ABLIM1: variants seen among roughly 807,000 people sequenced by gnomAD.
ABLIM1 encodes the protein actin-binding LIM protein 1.
ABLIM1 carries 40 observed loss-of-function variants against 107.0 expected under a neutral mutation model. That is an observed-to-expected ratio of 0.37 (90% CI 0.29 to 0.49). The LOEUF (loss-of-function observed/expected upper bound fraction) is 0.49. ABLIM1 is among the 20% of genes least tolerant of loss of function. The pLI is 0.97. For synonymous variants in ABLIM1, 357 were observed against 357.3 expected, an observed-to-expected ratio of 1.00 and a Z score of 0.01; for missense variants, 857 against 1,008.5, an observed-to-expected ratio of 0.85 and a Z score of 2.04.
chr10:114,440,209 T>C, intron 19 of ABLIM1, 120 bp from the exon 20 acceptor site: 1 of 1,047,468 alleles, frequency 9.5e-7, no homozygotes, highest in Non-Finnish European at 1.4e-6. Flanking sequence ...CATGTTCTTT[T>C]TCTGCTCCCA....
At chr10:114,607,604 T>G (rs1185849388) in intron 1 of ABLIM1, among the ~76,000 whole-genome samples, 1 of 152,242 alleles carries the variant, frequency 6.6e-6, no homozygotes, top group Non-Finnish European at 1.5e-5. Flanking sequence ...TTTGATATGA[T>G]GTGATGAAAA....
At chr10:114,749,615 C>G (rs2082467365) in intron 1 of ABLIM1, among the ~76,000 whole-genome samples, 3 of 152,152 alleles carry the variant, frequency 2.0e-5, no homozygotes, top group Admixed American at 2.0e-4. Flanking sequence ...TTCCTCTGCT[C>G]AACACCCTTG....
At chr10:114,644,630 T>C (rs1301137506) in intron 1 of ABLIM1, among the ~76,000 whole-genome samples, 1 of 152,128 alleles carries the variant, frequency 6.6e-6, no homozygotes, top group Non-Finnish European at 1.5e-5. Context: ...TAGCAGACAC[T>C]GGATCAGAGA....
chr10:114,713,867 T>G (rs1294039346), intron 1 of ABLIM1, among the ~76,000 whole-genome samples: 1 of 152,072 alleles, frequency 6.6e-6, no homozygotes, highest in Non-Finnish European at 1.5e-5. Flanking sequence ...CTCAAAAAAT[T>G]TACACAACAG....
At chr10:114,670,404 G>A (rs1468366462) in intron 1 of ABLIM1, among the ~76,000 whole-genome samples, 1 of 152,136 alleles carries the variant, frequency 6.6e-6, no homozygotes, top group African/African-American at 2.4e-5. Flanking sequence ...ACATATATTA[G>A]AGAAAACTTA....
intron 6 of ABLIM1, among the ~76,000 whole-genome samples, chr10:114,525,291 G>T (rs566206413): frequency 6.6e-6 from 1 of 152,354 alleles, no homozygotes; most frequent in Non-Finnish European, 1.5e-5. Context: ...CAAGAACTGA[G>T]TAGTTCACTT....
chr10:114,785,669 A>G, the ABLIM1 span, among the ~76,000 whole-genome samples: 5 of 152,194 alleles, frequency 3.3e-5, no homozygotes, highest in Non-Finnish European at 7.3e-5. Context: ...TTATATTATT[A>G]TAATAGTTTT....
intron 1 of ABLIM1, among the ~76,000 whole-genome samples, chr10:114,604,675 G>GAGA (rs1179340558): frequency 2.6e-5 from 4 of 152,180 alleles, no homozygotes; most frequent in Non-Finnish European, 5.9e-5. Context: ...GCCAGCTATG[G>GAGA]AGAAGAGCTA....
intron 1 of ABLIM1, among the ~76,000 whole-genome samples, chr10:114,670,089 A>G (rs1348520351): frequency 1.3e-5 from 2 of 152,222 alleles, no homozygotes; most frequent in African/African-American, 4.8e-5. Context: ...AAGGGACTGC[A>G]GAACTCATGA....
chr10:114,781,661 C>CGT, the ABLIM1 span, among the ~76,000 whole-genome samples: 7 of 39,250 alleles, frequency 1.8e-4, no homozygotes, highest in South Asian at 1.2e-3. Flanking sequence ...TATATATATG[C>CGT]GTGTATATAT....
intron 1 of ABLIM1, among the ~76,000 whole-genome samples, chr10:114,716,410 A>AACAC (rs56097544): frequency 0.079 from 11,296 of 143,500 alleles, 703 homozygotes; most frequent in African/African-American, 0.18. Context: ...GGTAGAGAGA[A>AACAC]ACACACACAC....
At chr10:114,459,926 C>G (rs2063520090) in intron 12 of ABLIM1, among the ~76,000 whole-genome samples, 1 of 152,040 alleles carries the variant, frequency 6.6e-6, no homozygotes, top group Non-Finnish European at 1.5e-5. Context: ...AATAAAGCAC[C>G]ATTTAGGAAC....
At chr10:114,756,389 T>A (rs1435472407) in intron 1 of ABLIM1, among the ~76,000 whole-genome samples, 1 of 152,206 alleles carries the variant, frequency 6.6e-6, no homozygotes, top group Non-Finnish European at 1.5e-5. Context: ...TTGGATTTCA[T>A]ATATTTCATT....
rs564981852 is a variant in ABLIM1, at chr10:114,507,594, A to G, written c.895-15716T>C. Among the ~76,000 whole-genome samples the G allele has an allele frequency of 2.6e-5, 4 of 152,310 alleles. No individual in the cohort carries two copies. In the East Asian group the frequency reaches 5.8e-4, roughly 22 times the overall value. On this transcript the variant is annotated intron_variant, in intron 6 of 22. Transcript: ENST00000533213. ...AGGCCTCAGAGACCTGAGCCAGGAT[A>G]AGCAGGGAGTGCTGTGCAAACGGGC...
chr10:114,563,963 A>G (rs1374943974), intron 4 of ABLIM1, among the ~76,000 whole-genome samples: 1 of 144,434 alleles, frequency 6.9e-6, no homozygotes, highest in Non-Finnish European at 1.5e-5. Context: ...TAAACATGAG[A>G]TTTTCATTTA....
At chr10:114,741,890 C>A (rs902539280) in intron 1 of ABLIM1, among the ~76,000 whole-genome samples, 5 of 152,136 alleles carry the variant, frequency 3.3e-5, no homozygotes, top group African/African-American at 1.2e-4. Context: ...GTTGGCAATG[C>A]CTTTGAATTA....
At chr10:114,694,272 C>A (rs993049979) in intron 1 of ABLIM1, among the ~76,000 whole-genome samples, 1 of 152,116 alleles carries the variant, frequency 6.6e-6, no homozygotes, top group Non-Finnish European at 1.5e-5. Context: ...GGCCCGGGTG[C>A]CACTCTGAGA....
chr10:114,783,582 G>A, the ABLIM1 span, among the ~76,000 whole-genome samples: 28 of 152,154 alleles, frequency 1.8e-4, 1 homozygote, highest in South Asian at 5.6e-3. Context: ...ACATGTAACG[G>A]TGGGATAGGG....
At chr10:114,624,948 G>A (rs949229595) in intron 1 of ABLIM1, among the ~76,000 whole-genome samples, 4 of 152,052 alleles carry the variant, frequency 2.6e-5, no homozygotes, top group Non-Finnish European at 4.4e-5. Context: ...AGAATATGAT[G>A]ACAAAAACTG....
Sources: allele counts gnomAD v4.1 joint callset (sites outside exome capture counted in the v4.1 genomes callset), GRCh38; gene constraint gnomAD v4.1.1; transcripts MANE v1.5; gene names NCBI Gene and HGNC (gene_info 2026-07-23, HGNC 2026-07-21).